Variants in ZNF45 observed in about 807,000 individuals in gnomAD.
ZNF45 encodes zinc finger protein 45, also known as BRC1744.
A neutral mutation model predicts 12.0 loss-of-function variants in ZNF45; 4 were observed. The observed-to-expected ratio is 0.33, with a 90% CI of 0.16 to 0.76. ZNF45 has a LOEUF of 0.76. Among genes scored for constraint, ZNF45 ranks in the 30% least tolerant of loss-of-function variants. The pLI is 0.60. For missense variants in ZNF45, 700 were observed against 813.0 expected, an observed-to-expected ratio of 0.86 and a Z score of 1.69; for synonymous variants, 272 against 279.6, an observed-to-expected ratio of 0.97 and a Z score of 0.27.
Position 43,913,497 on chromosome 19 carries a change from T to C in ZNF45, c.1939A>G (p.Lys647Glu). ...AGACTTGAGCTCCAACTGAAGCCCT[T>C]CCCACACTCCTCACATTTGTATGGT... ...EKPYKCEECG[K>E]GFSWSSSLII... The change falls in exon 10 of 10, where the codon AAG becomes GAG. Residue 647 changes from lysine (K) to glutamate (E), a missense_variant. By Grantham distance (56) the Lys-to-Glu change is moderately conservative (BLOSUM62 1). Transcript: ENST00000269973. 2 of 1,613,970 alleles carry C rather than the reference T, an allele frequency of 1.2e-6. No homozygotes were observed. Among genetic ancestry groups the C allele is most frequent in the South Asian group, 2.2e-5 (2 of 91,062 alleles).
Position 43,914,766 on chromosome 19 carries a change from C to T in ZNF45, c.670G>A (p.Ala224Thr), listed in dbSNP as rs763272223. The T allele has an allele frequency of 1.9e-6, 3 of 1,613,976 alleles. No homozygotes were observed. The African/African-American group carries it at 4.0e-5, about 22-fold the overall frequency. Residue 224 changes from alanine to threonine, a missense_variant, in exon 10 of 10, where the codon GCA (alanine) becomes ACA (threonine). Transcript: ENST00000269973. ...HSRAKSYTND[A>T]SYRSFSQRSH... ...CTCTGACTAAAACTCCTGTAACTTGCATCATTTGTGTATGATTTTGCTCTA... is the reference window on the plus strand; with the variant it reads ...CTCTGACTAAAACTCCTGTAACTTGTATCATTTGTGTATGATTTTGCTCTA...
In ZNF45 at chr19:43,914,707, A is replaced by T. The variant is rs200720773; in HGVS notation, c.729T>A (p.Thr243=). 6.2e-7 allele frequency: 1 copy of T among 1,614,210 alleles called. No homozygotes were observed. The highest frequency in any genetic ancestry group is 1.1e-5 in the South Asian group (1 of 91,080). The change falls in exon 10 of 10, where the codon ACT becomes ACA. Residue 243 remains threonine, a synonymous_variant. Coordinates refer to ENST00000269973, the MANE Select transcript of ZNF45 (RefSeq NM_003425.4). ...CTTCATATTTGTATGGATTCTCTCC[A>T]GTGGGAACTCTCTGATGATGGGGAA... ...SHLPHHQRVP[T]GENPYKYEEC...
intron 3 of ZNF45, chr19:43,926,462 G>T (rs113372409): frequency 1.3e-5 from 2 of 152,218 alleles, no homozygotes; most frequent in Non-Finnish European, 2.9e-5. Flanking sequence ...TACTGAGAAT[G>T]AACACTATTT....
chr19:43,929,094 C>G (rs1486760949), intron 3 of ZNF45, among the ~76,000 whole-genome samples: 1 of 152,234 alleles, frequency 6.6e-6, no homozygotes, highest in Non-Finnish European at 1.5e-5. Flanking sequence ...TCACCCAGTG[C>G]CTTATCTACT....
chr19:43,924,670 A>G (rs1235311405), intron 4 of ZNF45, 109 bp from the exon 5 acceptor site: 1 of 152,254 alleles, frequency 6.6e-6, no homozygotes, highest in Non-Finnish European at 1.5e-5. Context: ...TGGACTCTGA[A>G]GCCAAGGGAG....
intron 7 of ZNF45, among the ~76,000 whole-genome samples, chr19:43,920,879 G>A (rs900969854): frequency 2.0e-5 from 3 of 152,130 alleles, no homozygotes; most frequent in African/African-American, 7.2e-5. Context: ...TGGGATTACA[G>A]GTGTGAGCCA....
intron 8 of ZNF45, 59 bp downstream of exon 8, chr19:43,919,514 C>T (rs1972956239): frequency 1.9e-6 from 3 of 1,576,658 alleles, no homozygotes; most frequent in Admixed American, 1.8e-5. Context: ...CCCTGTATAC[C>T]CAAGGACAGA....
intron 3 of ZNF45, among the ~76,000 whole-genome samples, chr19:43,931,731 TATCATCC>T (rs1447943696): frequency 1.3e-5 from 2 of 152,124 alleles, no homozygotes; most frequent in Non-Finnish European, 2.9e-5. Flanking sequence ...TAGTTATTAA[TATCATCC>T]CTACTTAACG....
chr19:43,925,870 T>A (rs939627151), intron 3 of ZNF45, among the ~76,000 whole-genome samples: 1 of 152,214 alleles, frequency 6.6e-6, no homozygotes, highest in Non-Finnish European at 1.5e-5. Flanking sequence ...TGACCTCAAG[T>A]GATCCACCCG....
chr19:43,914,174 C>T lies in ZNF45; in HGVS notation c.1262G>A (p.Cys421Tyr). The T allele has an allele frequency of 6.2e-7, 1 of 1,608,416 alleles. No individual in the cohort carries two copies. The highest frequency in any genetic ancestry group is 8.5e-7 in the Non-Finnish European group (1 of 1,175,652). Residue 421 changes from cysteine to tyrosine, a missense_variant, in exon 10 of 10, where the codon TGT becomes TAT. Coordinates refer to ENST00000269973, the MANE Select transcript of ZNF45 (RefSeq NM_003425.4). ...TGAGCTACGACTGAAGCCCTTACCA[C>T]ATGCATCACACTGATACGGTTTCTC... The part of the protein sequence containing the change: ...TGEKPYQCDA[C>Y]GKGFSRSSDF...
Position 43,915,183 on chromosome 19 carries a change from C to T in ZNF45, c.253G>A (p.Glu85Lys), listed in dbSNP as rs769759804. The change falls in exon 10 of 10, where the codon GAG becomes AAG. Residue 85 changes from glutamate (E) to lysine (K), a missense_variant. Coordinates refer to ENST00000269973, the MANE Select transcript of ZNF45 (RefSeq NM_003425.4). ...DNSSGAKNLK[E>K]METLQEVGLR... Reference sequence around the variant, plus strand: ...CCTACTTCTTGAAGAGTCTCCATCTCTTTTAGATTCTTGGCTCCTAAAAGG... The same window carrying T: ...CCTACTTCTTGAAGAGTCTCCATCTTTTTTAGATTCTTGGCTCCTAAAAGG... The T allele has an allele frequency of 6.7e-7, 1 of 1,492,162 alleles. No individual in the cohort carries two copies. The highest frequency in any genetic ancestry group is 1.4e-5 in the African/African-American group (1 of 71,522). 92.4% of individuals were successfully genotyped at this position (1,492,162 alleles called of 1,614,324 possible).
chr19:43,913,733 G>C lies in ZNF45; in HGVS notation c.1703C>G (p.Ala568Gly). The C allele has an allele frequency of 6.2e-7, 1 of 1,607,536 alleles. No homozygotes were observed. The highest frequency in any genetic ancestry group is 8.5e-7 in the Non-Finnish European group (1 of 1,178,138). Residue 568 changes from alanine (A) to glycine (G), a missense_variant, in exon 10 of 10, where the codon GCC becomes GGC. By Grantham distance (60) the Ala-to-Gly change is moderately conservative (BLOSUM62 0). Coordinates refer to ENST00000269973, the MANE Select transcript of ZNF45 (RefSeq NM_003425.4). ...TCCACGATGTGCCAGAAAATTGGAG[G>C]CCCGACAGAAGCCCTTCCCACACTC... is the stretch of plus-strand genomic sequence containing the variant. Reference protein sequence around the residue: ...CEECGKGFCRASNFLAHRGVH... With the variant: ...CEECGKGFCRGSNFLAHRGVH...
intron 6 of ZNF45, among the ~76,000 whole-genome samples, chr19:43,923,124 C>T (rs930211266): frequency 6.6e-6 from 1 of 152,214 alleles, no homozygotes; most frequent in African/African-American, 2.4e-5. Flanking sequence ...CCACACTCAG[C>T]TGATGAATTC....
At chr19:43,929,327 G>A (rs548854069) in intron 3 of ZNF45, among the ~76,000 whole-genome samples, 1 of 152,340 alleles carries the variant, frequency 6.6e-6, no homozygotes, top group Admixed American at 6.5e-5. Context: ...AAGGATCCCT[G>A]CCCGCCTAGT....
intron 3 of ZNF45, among the ~76,000 whole-genome samples, chr19:43,931,768 A>G (rs887067370): frequency 3.3e-5 from 5 of 152,194 alleles, no homozygotes; most frequent in Admixed American, 3.3e-4. Flanking sequence ...ACTGAGGCAC[A>G]GAAAGGTCAA....
chr19:43,920,686 C>T (rs762553164), intron 7 of ZNF45, among the ~76,000 whole-genome samples: 6 of 150,004 alleles, frequency 4.0e-5, no homozygotes, highest in East Asian at 2.0e-4. Context: ...CTGCAATCTC[C>T]GCCTCCTGGG....
At chr19:43,916,732 G>A (rs2010927618) in intron 9 of ZNF45, among the ~76,000 whole-genome samples, 1 of 152,176 alleles carries the variant, frequency 6.6e-6, no homozygotes, top group Non-Finnish European at 1.5e-5. Flanking sequence ...TTACAAAAGT[G>A]AAAGAACTTT....
At position 43,919,387 on chromosome 19, in the gene ZNF45, A is replaced by G. The variant is rs75618644; in HGVS notation, c.142+186T>C. Among the ~76,000 whole-genome samples the G allele has an allele frequency of 1.8e-4, 28 of 152,354 alleles. No homozygotes were observed. In the East Asian group the frequency reaches 5.2e-3, roughly 28 times the overall value. On this transcript the variant is annotated intron_variant, in intron 8 of 9. Coordinates refer to ENST00000269973, the MANE Select transcript of ZNF45 (RefSeq NM_003425.4). Reference sequence around the variant, plus strand: ...AAAGTGTATAGTTGTCATGCTGTCAATTTATGGTTCATTAACAAAATACAC... The same window carrying G: ...AAAGTGTATAGTTGTCATGCTGTCAGTTTATGGTTCATTAACAAAATACAC...
At chr19:43,920,696 G>A (rs1004036876) in intron 7 of ZNF45, among the ~76,000 whole-genome samples, 1 of 151,210 alleles carries the variant, frequency 6.6e-6, no homozygotes, top group Non-Finnish European at 1.5e-5. Flanking sequence ...CGCCTCCTGG[G>A]TTCAAGTGAT....
Sources: gnomAD v4.1 joint callset for allele counts (sites outside exome capture counted in the v4.1 genomes callset) on GRCh38, gnomAD v4.1.1 for gene constraint, MANE v1.5 for transcripts, NCBI Gene and HGNC (gene_info 2026-07-23, HGNC 2026-07-21) for gene names.